AGO3: variants seen among roughly 807,000 people sequenced by gnomAD.
AGO3 encodes protein argonaute-3.
AGO3 carries 16 observed loss-of-function variants against 105.5 expected under a neutral mutation model. The observed-to-expected ratio is 0.15, with a 90% CI of 0.10 to 0.23. The LOEUF is 0.23. AGO3 is among the 10% of genes least tolerant of loss of function. The pLI, the probability that AGO3 is intolerant of heterozygous loss-of-function variation, is 1.00. For missense variants in AGO3, 534 were observed against 1,088.0 expected, an observed-to-expected ratio of 0.49 and a Z score of 7.16; for synonymous variants, 340 against 367.3, an observed-to-expected ratio of 0.93 and a Z score of 0.85.
rs973797766 is a variant in AGO3 at position 36,067,880 on chromosome 1, T to G, written c.*12135T>G. The G allele has an allele frequency of 1.3e-5, 2 of 151,622 alleles. No individual in the cohort carries two copies. Among genetic ancestry groups the G allele is most frequent in the African/African-American group, 4.8e-5 (2 of 41,282 alleles). 9.4% of individuals were successfully genotyped at this position (151,622 alleles called of 1,614,324 possible). A position where few individuals can be genotyped will look rare whatever the true frequency, so the allele number is the denominator to read the frequency against. On this transcript the variant is annotated 3_prime_UTR_variant, in exon 19 of 19. Transcript: ENST00000373191. ...GGACTTAGAGGCAGTTGATATAGAA[T>G]TCTACTGGGGGTAAATGACACTCTC...
At chr1:35,959,696 A>G (rs1230267152) in intron 2 of AGO3, among the ~76,000 whole-genome samples, 2 of 152,156 alleles carry the variant, frequency 1.3e-5, no homozygotes, top group African/African-American at 2.4e-5. Flanking sequence ...GTTGTAATAA[A>G]AGACTAGTGT....
intron 17 of AGO3, among the ~76,000 whole-genome samples, chr1:36,052,441 C>A (rs998168429): frequency 6.6e-6 from 1 of 151,962 alleles, no homozygotes; most frequent in Non-Finnish European, 1.5e-5. Flanking sequence ...TTAACAGATA[C>A]AAAATTACAA....
intron 4 of AGO3, among the ~76,000 whole-genome samples, chr1:35,972,673 T>G (rs1273945932): frequency 2.0e-5 from 3 of 151,900 alleles, no homozygotes; most frequent in African/African-American, 7.3e-5. Flanking sequence ...CGTGTATTTT[T>G]TATTGTTTGG....
chr1:35,980,016 C>G lies in AGO3; in HGVS notation c.658+6505C>G, dbSNP rs550265250. On this transcript the variant is annotated intron_variant, in intron 5 of 18. Coordinates refer to ENST00000373191, the MANE Select transcript of AGO3 (RefSeq NM_024852.4). ...TTTTACATTTGTATATATTTTGAAACTTTGAGTGTTGTGTTTTCTGTGCTT... is the reference window on the plus strand; with the variant it reads ...TTTTACATTTGTATATATTTTGAAAGTTTGAGTGTTGTGTTTTCTGTGCTT... Among the ~76,000 whole-genome samples the G allele has an allele frequency of 2.6e-5, 4 of 152,128 alleles. No individual in the cohort carries two copies. The East Asian group carries it at 5.8e-4, about 22-fold the overall frequency.
At chr1:36,030,959 C>T (rs1450483674) in intron 12 of AGO3, among the ~76,000 whole-genome samples, 1 of 152,092 alleles carries the variant, frequency 6.6e-6, no homozygotes, top group African/African-American at 2.4e-5. Context: ...TATAGAGATA[C>T]CTTGTAACAG....
rs556893224 is a variant in AGO3 at position 36,058,840 on chromosome 1, T to A, written c.*3095T>A. The A allele has an allele frequency of 1.3e-5, 2 of 152,310 alleles. No individual in the cohort carries two copies. The highest frequency in any genetic ancestry group is 4.1e-4 in the South Asian group (2 of 4,828). 9.4% of individuals were successfully genotyped at this position (152,310 alleles called of 1,614,324 possible). A position where few individuals can be genotyped will look rare whatever the true frequency, so the allele number is the denominator to read the frequency against. On this transcript the variant is annotated 3_prime_UTR_variant, in exon 19 of 19. Coordinates refer to ENST00000373191, the MANE Select transcript of AGO3 (RefSeq NM_024852.4). ...AATTTCCTATAAAGATGGATTTTTT[T>A]ACACTGAAATTTTACTGAATATAGT...
At chr1:36,019,420 T>C (rs556691651) in intron 11 of AGO3, among the ~76,000 whole-genome samples, 3 of 152,330 alleles carry the variant, frequency 2.0e-5, no homozygotes, top group Admixed American at 1.3e-4. Context: ...CTTATATCTG[T>C]AATACCTTAT....
At chr1:35,973,259 T>C (rs1557659123) in intron 4 of AGO3, 116 bp from the exon 5 acceptor site, 1 of 1,106,690 alleles carries the variant, frequency 9.0e-7, no homozygotes, top group Non-Finnish European at 1.2e-6. Flanking sequence ...TTTAGTTTCA[T>C]ATATTCATAA....
At chr1:35,948,418 C>T (rs1424245763) in intron 2 of AGO3, among the ~76,000 whole-genome samples, 2 of 151,970 alleles carry the variant, frequency 1.3e-5, no homozygotes, top group African/African-American at 4.8e-5. Flanking sequence ...TGGGTTTCTC[C>T]ATGTTGGCCC....
intron 11 of AGO3, among the ~76,000 whole-genome samples, chr1:36,025,550 C>T (rs1641465014): frequency 6.6e-6 from 1 of 152,018 alleles, no homozygotes; most frequent in Non-Finnish European, 1.5e-5. Context: ...AGTGAAAATA[C>T]TCAATTTCAT....
In AGO3 at chr1:36,040,004, A is replaced by G. The variant is rs1642180396; in HGVS notation, c.2037+20A>G. The stretch of plus-strand genomic sequence containing the variant: ...AGGCAGGTTGGTTACCTAGAATCTC[A>G]TCAGACTATGGTGAAATCAGATATT... On this transcript the variant is annotated intron_variant, in intron 15 of 18. Coordinates refer to ENST00000373191, the MANE Select transcript of AGO3 (RefSeq NM_024852.4). 1.3e-6 allele frequency: 2 copies of G among 1,567,808 alleles called. No homozygotes were observed. The highest frequency in any genetic ancestry group is 2.3e-5 in the South Asian group (2 of 88,700).
intron 17 of AGO3, among the ~76,000 whole-genome samples, chr1:36,044,705 G>T (rs1236875220): frequency 6.6e-6 from 1 of 152,180 alleles, no homozygotes; most frequent in Non-Finnish European, 1.5e-5. Flanking sequence ...GCCTCCCAAA[G>T]TGCGGGGATT....
chr1:35,973,495 G>A lies in AGO3; in HGVS notation c.642G>A (p.Met214Ile), dbSNP rs761675753. 6.3e-7 allele frequency: 1 copy of A among 1,582,850 alleles called. No individual in the cohort carries two copies. Among genetic ancestry groups the A allele is most frequent in the East Asian group, 2.3e-5 (1 of 44,092 alleles). The stretch of plus-strand genomic sequence containing the variant: ...CTGTTCGGCCTGCCATGTGGAAAAT[G>A]ATGCTTAATATCGATGGTAAGGGAA... ...HQSVRPAMWK[M>I]MLNIDVSATA... Residue 214 changes from methionine to isoleucine, a missense_variant, in exon 5 of 19, where the codon ATG becomes ATA. Physicochemically the swap from Met to Ile is conservative, Grantham distance 10. Transcript: ENST00000373191.
intron 5 of AGO3, among the ~76,000 whole-genome samples, chr1:35,995,036 T>C (rs1032705932): frequency 2.8e-4 from 43 of 151,108 alleles, no homozygotes; most frequent in African/African-American, 9.2e-4. Flanking sequence ...CTATCTCTAC[T>C]AAAATACAAA....
At chr1:35,932,997 T>TA (rs60852593) in intron 1 of AGO3, among the ~76,000 whole-genome samples, 152,341 of 152,344 alleles carry the variant, frequency 1, 76,170 homozygotes, top group Non-Finnish European at 1. Context: ...AAACATTTGT[T>TA]ACATCAAACC....
chr1:35,937,939 A>T (rs1037969093), intron 1 of AGO3, among the ~76,000 whole-genome samples: 1 of 151,844 alleles, frequency 6.6e-6, no homozygotes, highest in Non-Finnish European at 1.5e-5. Context: ...AGATTTTGAG[A>T]TCAACACAAT....
chr1:36,030,662 CT>C (rs1158814706), intron 12 of AGO3, among the ~76,000 whole-genome samples: 1 of 151,942 alleles, frequency 6.6e-6, no homozygotes, highest in African/African-American at 2.4e-5. Context: ...TTGATATTAC[CT>C]TTTTCATCAA....
At chr1:35,935,836 A>T (rs1310034044) in intron 1 of AGO3, among the ~76,000 whole-genome samples, 2 of 152,258 alleles carry the variant, frequency 1.3e-5, no homozygotes, top group African/African-American at 4.8e-5. Flanking sequence ...ATCTAACAAA[A>T]CATATTATCT....
chr1:35,995,703 A>T (rs1648267395), intron 5 of AGO3, among the ~76,000 whole-genome samples: 1 of 152,110 alleles, frequency 6.6e-6, no homozygotes, highest in Non-Finnish European at 1.5e-5. Flanking sequence ...CTTTCGAGAC[A>T]GGATCTCCCT....
Sources: allele counts gnomAD v4.1 joint callset (sites outside exome capture counted in the v4.1 genomes callset), GRCh38; gene constraint gnomAD v4.1.1; transcripts MANE v1.5; gene names NCBI Gene and HGNC (gene_info 2026-07-23, HGNC 2026-07-21).